The following FIP1L1 variants were observed in gnomAD, a reference collection of about 807,000 sequenced individuals.
FIP1L1 encodes the protein factor interacting with PAPOLA and CPSF1.
In FIP1L1, 21 loss-of-function variants were observed where a neutral mutation model predicts 84.6. The ratio of observed to expected loss-of-function variants is 0.25; its 90% CI spans 0.18 to 0.36. The LOEUF is 0.36. Among genes scored for constraint, FIP1L1 ranks in the 10% least tolerant of loss-of-function variants. The pLI, the probability that FIP1L1 is intolerant of heterozygous loss-of-function variation, is 1.00. For synonymous variants in FIP1L1, 263 were observed against 242.3 expected (o/e 1.09, Z -0.80); for missense variants, 526 against 751.1 (o/e 0.70, Z 3.50).
chr4:53,428,058 A>G lies in FIP1L1; in HGVS notation c.1049A>G (p.Asp350Gly). 6.2e-7 allele frequency: 1 copy of G among 1,610,220 alleles called. No homozygotes were observed. Among genetic ancestry groups the G allele is most frequent in the Non-Finnish European group, 8.5e-7 (1 of 1,177,268 alleles). Residue 350 changes from aspartate (D) to glycine (G), a missense_variant, in exon 13 of 18, where the codon GAC becomes GGC. Coordinates refer to ENST00000337488, the MANE Select transcript of FIP1L1 (RefSeq NM_030917.4). ...VLSERSATEV[D>G]NNFSKPPPFF... Reference sequence around the variant, plus strand: ...TCTGAAAGATCTGCTACTGAAGTAGACAACAATTTTAGCAAACCACCTCCG... The same window carrying G: ...TCTGAAAGATCTGCTACTGAAGTAGGCAACAATTTTAGCAAACCACCTCCG...
rs867099799 is a variant in FIP1L1 at position 53,417,691 on chromosome 4, C to A, written c.923+2969C>A. On this transcript the variant is annotated intron_variant, in intron 11 of 17. Coordinates refer to ENST00000337488, the MANE Select transcript of FIP1L1 (RefSeq NM_030917.4). ...AGAAAAGAAAATTCCACAACAGATA[C>A]CCTGGATAAAAGCTACTTTTTCTCT... 1.1e-4 allele frequency among the ~76,000 whole-genome samples: 16 copies of A among 142,668 alleles called. 1 individual carries two copies. The highest frequency in any genetic ancestry group is 3.6e-4 in the African/African-American group (14 of 38,846). 93.6% of individuals were successfully genotyped at this position (142,668 alleles called of 152,430 possible).
At position 53,383,885 on chromosome 4, in the gene FIP1L1, T is replaced by A. The variant is rs767777927; in HGVS notation, c.332+9T>A. The A allele has an allele frequency of 1.9e-6, 3 of 1,607,592 alleles. No individual in the cohort carries two copies. Among genetic ancestry groups the A allele is most frequent in the African/African-American group, 2.7e-5 (2 of 74,556 alleles). On this transcript the variant is annotated intron_variant, in intron 5 of 17. Transcript: ENST00000337488. ...GGAGCACCACAGTATGGGTAAGTTA[T>A]TTTTTAGTAAGTAACAATTGTGTAA...
intron 13 of FIP1L1, among the ~76,000 whole-genome samples, chr4:53,434,232 C>T (rs1253174201): frequency 6.6e-6 from 1 of 152,042 alleles, no homozygotes; most frequent in Non-Finnish European, 1.5e-5. Context: ...TACATGTTAA[C>T]ATTTTTAAAT....
chr4:53,385,762 A>AACT (rs1309483764), intron 5 of FIP1L1, among the ~76,000 whole-genome samples: 1 of 152,158 alleles, frequency 6.6e-6, no homozygotes, highest in Non-Finnish European at 1.5e-5. Context: ...TGTTTGCTTG[A>AACT]ACTCATATCC....
At chr4:53,428,378 A>G (rs1765165405) in intron 13 of FIP1L1, among the ~76,000 whole-genome samples, 195 bp downstream of exon 13, 1 of 152,226 alleles carries the variant, frequency 6.6e-6, no homozygotes, top group African/African-American at 2.4e-5. Context: ...ACAATGTTCT[A>G]AAATTAAGAA....
At chr4:53,399,903 T>A (rs1444908164) in intron 10 of FIP1L1, 64 bp downstream of exon 10, 1 of 1,073,698 alleles carries the variant, frequency 9.3e-7, no homozygotes, top group Non-Finnish European at 1.4e-6. Context: ...GTATTTGTGC[T>A]ATATTAAGTA....
Position 53,437,432 on chromosome 4 carries a change from G to A in FIP1L1, c.1175-5221G>A, listed in dbSNP as rs573643740. Among the ~76,000 whole-genome samples, 22 of 150,266 alleles carry A rather than the reference G, an allele frequency of 1.5e-4. No homozygotes were observed. In the South Asian group the frequency reaches 3.8e-3, roughly 26 times the overall value. ...GTCCTTTTAAGTGTCATAGGTAGAT[G>A]CTTTTGTTTCATAAAAATTCGGAAT... On this transcript the variant is annotated intron_variant, in intron 13 of 17. Coordinates refer to ENST00000337488, the MANE Select transcript of FIP1L1 (RefSeq NM_030917.4).
At chr4:53,400,551 C>T (rs943960549) in intron 10 of FIP1L1, among the ~76,000 whole-genome samples, 1 of 152,104 alleles carries the variant, frequency 6.6e-6, no homozygotes, top group Non-Finnish European at 1.5e-5. Flanking sequence ...AGTTCTCGGC[C>T]AGATCACTTA....
chr4:53,413,098 A>C (rs1431569376), intron 10 of FIP1L1, among the ~76,000 whole-genome samples: 1 of 151,842 alleles, frequency 6.6e-6, no homozygotes, highest in East Asian at 1.9e-4. Flanking sequence ...ATTCATTTTG[A>C]TGTGAACATC....
At chr4:53,434,351 A>G (rs974854138) in intron 13 of FIP1L1, among the ~76,000 whole-genome samples, 9 of 152,200 alleles carry the variant, frequency 5.9e-5, no homozygotes, top group South Asian at 2.1e-4. Context: ...CTTAGTAGAA[A>G]AAGCTGGTTT....
chr4:53,457,147 C>G (rs12644212), intron 16 of FIP1L1, among the ~76,000 whole-genome samples: 14,562 of 152,050 alleles, frequency 0.096, 1,226 homozygotes, highest in South Asian at 0.28. Flanking sequence ...GTTGTCAGTT[C>G]TGTAAGAAGT....
At chr4:53,386,494 G>T (rs1324539779) in intron 5 of FIP1L1, among the ~76,000 whole-genome samples, 1 of 152,198 alleles carries the variant, frequency 6.6e-6, no homozygotes, top group Non-Finnish European at 1.5e-5. Flanking sequence ...TGCAACATAA[G>T]TGCTAGAATA....
intron 9 of FIP1L1, among the ~76,000 whole-genome samples, chr4:53,391,770 G>A (rs1369895919): frequency 6.6e-6 from 1 of 152,126 alleles, no homozygotes; most frequent in Non-Finnish European, 1.5e-5. Context: ...ATGTTTGTAG[G>A]ATAGAAAAGT....
At chr4:53,398,319 G>C (rs1211692897) in intron 9 of FIP1L1, among the ~76,000 whole-genome samples, 1 of 152,042 alleles carries the variant, frequency 6.6e-6, no homozygotes, top group East Asian at 1.9e-4. Context: ...TTTTTAAGTG[G>C]TAGAACTCAT....
chr4:53,398,092 G>T (rs1028712253), intron 9 of FIP1L1, among the ~76,000 whole-genome samples: 21 of 151,744 alleles, frequency 1.4e-4, no homozygotes, highest in Admixed American at 9.8e-4. Flanking sequence ...ATATTGCTCT[G>T]ATTGTTGGTG....
intron 10 of FIP1L1, among the ~76,000 whole-genome samples, chr4:53,414,251 T>C (rs1227354757): frequency 6.6e-6 from 1 of 152,140 alleles, no homozygotes; most frequent in South Asian, 2.1e-4. Context: ...ACCAAAATTT[T>C]TAGTAAGATT....
At chr4:53,380,765 A>T (rs1404008359) in intron 3 of FIP1L1, among the ~76,000 whole-genome samples, 1 of 152,152 alleles carries the variant, frequency 6.6e-6, no homozygotes, top group Non-Finnish European at 1.5e-5. Flanking sequence ...TCAACCACAA[A>T]GTTGAGATTA....
chr4:53,417,468 C>T (rs1157821618), intron 11 of FIP1L1, among the ~76,000 whole-genome samples: 3 of 151,530 alleles, frequency 2.0e-5, no homozygotes, highest in Non-Finnish European at 4.4e-5. Context: ...ATGGAGAAAC[C>T]CCGTCTCTAC....
At chr4:53,424,290 T>C (rs1253115537) in intron 11 of FIP1L1, among the ~76,000 whole-genome samples, 1 of 152,160 alleles carries the variant, frequency 6.6e-6, no homozygotes, top group Non-Finnish European at 1.5e-5. Context: ...TGGCATGTGC[T>C]TTGATAATGC....
Sources: allele counts gnomAD v4.1 joint callset (sites outside exome capture counted in the v4.1 genomes callset), GRCh38; gene constraint gnomAD v4.1.1; transcripts MANE v1.5; gene names NCBI Gene and HGNC (gene_info 2026-07-23, HGNC 2026-07-21).